INSR: variants seen among roughly 807,000 people sequenced by gnomAD.
INSR encodes the protein insulin receptor.
INSR carries 67 observed loss-of-function variants against 142.6 expected under a neutral mutation model. The observed-to-expected ratio is 0.47, with a 90% confidence interval of 0.39 to 0.58. The LOEUF (loss-of-function observed/expected upper bound fraction) is 0.58, where lower values mean the gene tolerates loss of function less well. Among genes scored for constraint, INSR ranks in the 20% least tolerant of loss-of-function variants. The pLI, the probability that INSR is intolerant of heterozygous loss-of-function variation, is 0.00. For missense variants in INSR, 1,248 were observed against 1,833.2 expected, an observed-to-expected ratio of 0.68 and a Z score of 5.83; for synonymous variants, 756 against 743.1, an observed-to-expected ratio of 1.02 and a Z score of -0.28.
intron 2 of INSR, among the ~76,000 whole-genome samples, chr19:7,249,497 C>T (rs1288718659): frequency 6.6e-6 from 1 of 152,102 alleles, no homozygotes; most frequent in Non-Finnish European, 1.5e-5. Flanking sequence ...GAACCGAATT[C>T]CCAGATGGAA....
intron 17 of INSR, among the ~76,000 whole-genome samples, chr19:7,123,730 C>T (rs1267839902): frequency 6.7e-6 from 1 of 150,214 alleles, no homozygotes; most frequent in East Asian, 2.0e-4. Flanking sequence ...CGAGACCAGC[C>T]TGGCCAACAT....
At chr19:7,217,125 G>C (rs937058717) in intron 2 of INSR, among the ~76,000 whole-genome samples, 1 of 151,294 alleles carries the variant, frequency 6.6e-6, no homozygotes, top group Non-Finnish European at 1.5e-5. Flanking sequence ...GAACCATCAT[G>C]GCCTGCCTAT....
intron 2 of INSR, among the ~76,000 whole-genome samples, chr19:7,198,737 A>G (rs1486097344): frequency 6.6e-6 from 1 of 152,194 alleles, no homozygotes; most frequent in East Asian, 1.9e-4. Flanking sequence ...ACTCATAAAT[A>G]CATTCTTAAA....
rs576109997 is a variant in INSR, at chr19:7,114,151, T to C, written c.*2905A>G. 7.3e-5 allele frequency: 11 copies of C among 151,522 alleles called. No homozygotes were observed. Among genetic ancestry groups the C allele is most frequent in the African/African-American group, 2.4e-4 (10 of 41,214 alleles). 9.4% of individuals were successfully genotyped at this position (151,522 alleles called of 1,614,324 possible). Reference sequence around the variant, plus strand: ...CCCACTTGGAGAATTTAAAAAGACATTGCATTAGGTGTTTGTGTGTAAGGT... The same window carrying C: ...CCCACTTGGAGAATTTAAAAAGACACTGCATTAGGTGTTTGTGTGTAAGGT... On this transcript the variant is annotated 3_prime_UTR_variant, in exon 22 of 22. Coordinates refer to ENST00000302850, the MANE Select transcript of INSR (RefSeq NM_000208.4).
chr19:7,163,635 C>CGGAGGTGGCCGAG (rs1241923431), intron 8 of INSR, among the ~76,000 whole-genome samples: 2 of 151,490 alleles, frequency 1.3e-5, no homozygotes, highest in East Asian at 3.9e-4. Flanking sequence ...CCCAAAGTAA[C>CGGAGGTGGCCGAG]GGAGGTGGCC....
At position 7,269,371 on chromosome 19, in the gene INSR, G is replaced by A. The variant is rs185194619; in HGVS notation, c.101-1475C>T. ...TGCAGCAAATGGATTAGGCTAAGTC[G>A]AGAAAACACACACACACACACACAC... On this transcript the variant is annotated intron_variant, in intron 1 of 21. Transcript: ENST00000302850. 1.3e-4 allele frequency among the ~76,000 whole-genome samples: 16 copies of A among 122,784 alleles called. No homozygotes were observed. In the East Asian group the frequency reaches 3.7e-3, roughly 28 times the overall value. The allele number at this position is 122,784 out of a possible 152,430, so 80.6% of individuals were successfully genotyped here.
intron 2 of INSR, among the ~76,000 whole-genome samples, chr19:7,235,126 G>T (rs4608435): frequency 0.3 from 46,263 of 151,908 alleles, 7,685 homozygotes; most frequent in African/African-American, 0.43. Context: ...ACAGATGGTT[G>T]TGAGGGCCAG....
At chr19:7,204,918 T>C (rs1410596453) in intron 2 of INSR, among the ~76,000 whole-genome samples, 3 of 151,968 alleles carry the variant, frequency 2.0e-5, no homozygotes, top group Admixed American at 6.6e-5. Context: ...TCATTTCTAC[T>C]AAATATACAA....
At chr19:7,223,282 T>C (rs1204235525) in intron 2 of INSR, among the ~76,000 whole-genome samples, 5 of 152,338 alleles carry the variant, frequency 3.3e-5, no homozygotes, top group Non-Finnish European at 4.4e-5. Context: ...TTACCTCATT[T>C]GATTTTCACC....
Position 7,119,208 on chromosome 19 carries a change from A to C in INSR, c.3794+241T>G, listed in dbSNP as rs1227014542. Among the ~76,000 whole-genome samples, 1 of 152,242 alleles carries C rather than the reference A, an allele frequency of 6.6e-6. No homozygotes were observed. The highest frequency in any genetic ancestry group is 2.4e-5 in the African/African-American group (1 of 41,464). On this transcript the variant is annotated intron_variant, in intron 21 of 21. Coordinates refer to ENST00000302850, the MANE Select transcript of INSR (RefSeq NM_000208.4). The surrounding 1 kb of genome is among the most constrained non-coding windows in gnomAD (Gnocchi z 5.2). Reference sequence around the variant, plus strand: ...ACATAAATACCTATGTAAATATATAATATGCAAACGTAAGCGTACATGTAG... The same window carrying C: ...ACATAAATACCTATGTAAATATATACTATGCAAACGTAAGCGTACATGTAG...
chr19:7,273,133 T>C (rs537314716), intron 1 of INSR, among the ~76,000 whole-genome samples: 1 of 152,276 alleles, frequency 6.6e-6, no homozygotes, highest in Non-Finnish European at 1.5e-5. Context: ...AATGGGTGAA[T>C]TGTATGTCAT....
intron 2 of INSR, among the ~76,000 whole-genome samples, chr19:7,211,390 T>A (rs1390919547): frequency 2.0e-5 from 3 of 152,098 alleles, no homozygotes; most frequent in Non-Finnish European, 4.4e-5. Flanking sequence ...TAAGCTACAT[T>A]CCATTTTCAG....
At chr19:7,247,571 T>C (rs369484654) in intron 2 of INSR, among the ~76,000 whole-genome samples, 22 of 152,116 alleles carry the variant, frequency 1.4e-4, no homozygotes, top group African/African-American at 4.8e-4. Context: ...AAACTCCAAG[T>C]AGGGAAGAGG....
intron 9 of INSR, among the ~76,000 whole-genome samples, chr19:7,158,282 C>T (rs769881042): frequency 7.2e-5 from 11 of 151,754 alleles, no homozygotes; most frequent in South Asian, 2.1e-4. Flanking sequence ...GGGCAGATCA[C>T]GAGGTCAGGA....
At position 7,267,443 on chromosome 19, in the gene INSR, A is replaced by T. The variant is rs1967770854; in HGVS notation, c.554T>A (p.Ile185Asn). ...NKDDNEECGD[I>N]CPGTAKGKTN... is the part of the protein sequence containing the mutation. The stretch of plus-strand genomic sequence containing the variant: ...CTTGCCCTTCGCGGTACCCGGACAG[A>T]TGTCTCCACACTCCTCGTTGTCATC... Residue 185 changes from isoleucine to asparagine, a missense_variant, in exon 2 of 22, where the codon ATC becomes AAC. Around this residue, in one of 3 missense-constraint regions of INSR, gnomAD observed 1,069 missense variants for 1,654.0 expected, o/e 0.65. Coordinates refer to ENST00000302850, the MANE Select transcript of INSR (RefSeq NM_000208.4). The surrounding 1 kb of genome is among the most constrained non-coding windows in gnomAD (Gnocchi z 6.3). 1 of 1,613,912 alleles carries T rather than the reference A, an allele frequency of 6.2e-7. No individual in the cohort carries two copies. The highest frequency in any genetic ancestry group is 1.7e-5 in the Admixed American group (1 of 59,976).
chr19:7,137,878 T>A (rs115637320), intron 13 of INSR, among the ~76,000 whole-genome samples: 1 of 149,622 alleles, frequency 6.7e-6, no homozygotes, highest in African/African-American at 2.5e-5. Context: ...AGCTCTTCAG[T>A]TGTTCAACTC....
At chr19:7,196,181 C>T (rs557720559) in intron 2 of INSR, among the ~76,000 whole-genome samples, 1 of 151,600 alleles carries the variant, frequency 6.6e-6, no homozygotes, top group African/African-American at 2.4e-5. Flanking sequence ...GTGATCCGCC[C>T]GCCTCAGCTT....
chr19:7,202,441 G>A (rs1255642516), intron 2 of INSR, among the ~76,000 whole-genome samples: 1 of 152,058 alleles, frequency 6.6e-6, no homozygotes, highest in Non-Finnish European at 1.5e-5. Flanking sequence ...TATCCTTGCA[G>A]TGTTTCGATC....
intron 3 of INSR, among the ~76,000 whole-genome samples, chr19:7,177,473 G>T (rs1327698367): frequency 4.6e-5 from 7 of 151,814 alleles, no homozygotes; most frequent in Non-Finnish European, 1.0e-4. Context: ...TTTGGTTATG[G>T]GTACCAACAA....
Sources: allele counts gnomAD v4.1 joint callset (sites outside exome capture counted in the v4.1 genomes callset), GRCh38; gene constraint gnomAD v4.1.1; regional missense constraint gnomAD v4.1.1; non-coding constraint Gnocchi (gnomAD v3.1); transcripts MANE v1.5; gene names NCBI Gene and HGNC (gene_info 2026-07-23, HGNC 2026-07-21).